NTM: variants seen among roughly 807,000 people sequenced by gnomAD.
NTM encodes the protein neurotrimin, also known as IgLON family member 2.
In NTM, 13 loss-of-function variants were observed where a neutral mutation model predicts 42.1. The ratio of observed to expected loss-of-function variants is 0.31; its 90% CI spans 0.20 to 0.49. The LOEUF is 0.49. Ranked by LOEUF, NTM falls within the 20% of genes least tolerant of loss-of-function variation. NTM has a pLI of 0.99. For synonymous variants in NTM, 187 were observed against 179.2 expected (o/e 1.04, Z -0.35); for missense variants, 373 against 452.8 (o/e 0.82, Z 1.60).
At chr11:131,706,882 C>T (rs980130148) in intron 1 of NTM, among the ~76,000 whole-genome samples, 4 of 151,956 alleles carry the variant, frequency 2.6e-5, no homozygotes, top group Admixed American at 6.5e-5. Flanking sequence ...TAATTATATA[C>T]ATTTATGAGG....
At chr11:131,485,412 G>A (rs1954062965) in intron 1 of NTM, among the ~76,000 whole-genome samples, 1 of 152,132 alleles carries the variant, frequency 6.6e-6, no homozygotes, top group South Asian at 2.1e-4. Flanking sequence ...TTATTTTGCA[G>A]GTGTGTGTGA....
intron 2 of NTM, among the ~76,000 whole-genome samples, chr11:132,101,556 T>TGTGTGTGTG (rs1555261897): frequency 0.022 from 2,935 of 131,122 alleles, 54 homozygotes; most frequent in Middle Eastern, 0.061. Context: ...GAACACAACC[T>TGTGTGTGTG]TGTGTGTGTG....
At chr11:131,808,133 T>C (rs2092590111) in intron 1 of NTM, among the ~76,000 whole-genome samples, 1 of 152,194 alleles carries the variant, frequency 6.6e-6, no homozygotes, top group Non-Finnish European at 1.5e-5. Flanking sequence ...TAGGACTCAC[T>C]TTACTTATCT....
chr11:131,735,275 T>C (rs1013413989), intron 1 of NTM, among the ~76,000 whole-genome samples: 4 of 152,218 alleles, frequency 2.6e-5, no homozygotes, highest in African/African-American at 9.6e-5. Context: ...CTTTGTGGTA[T>C]TTAAATGGGG....
In NTM at chr11:131,717,855, A is replaced by C. The variant is rs911171691; in HGVS notation, c.83-193709A>C. 5.9e-5 allele frequency among the ~76,000 whole-genome samples: 9 copies of C among 152,198 alleles called. 1 individual carries two copies. The highest frequency in any genetic ancestry group is 5.9e-4 in the Admixed American group (9 of 15,274). On this transcript the variant is annotated intron_variant, in intron 1 of 8. Transcript: ENST00000683400. Reference sequence around the variant, plus strand: ...ATATGCTGATAGCTGTAGGTTTTCTATACATGCTCTTTATCAGTTTGAGAA... The same window carrying C: ...ATATGCTGATAGCTGTAGGTTTTCTCTACATGCTCTTTATCAGTTTGAGAA...
intron 1 of NTM, among the ~76,000 whole-genome samples, chr11:131,485,331 C>G (rs1186167345): frequency 6.6e-6 from 1 of 152,168 alleles, no homozygotes; most frequent in Admixed American, 6.5e-5. Context: ...GGGATCAGTT[C>G]CAAGTGAAGG....
intron 2 of NTM, among the ~76,000 whole-genome samples, chr11:132,088,753 C>T (rs1454652250): frequency 1.3e-5 from 2 of 152,160 alleles, no homozygotes; most frequent in Non-Finnish European, 2.9e-5. Flanking sequence ...TAGGCAAGCC[C>T]CCTATGCACA....
chr11:132,304,384 T>C (rs553745738), intron 4 of NTM, among the ~76,000 whole-genome samples: 1 of 151,354 alleles, frequency 6.6e-6, no homozygotes, highest in Non-Finnish European at 1.5e-5. Context: ...ACCAAGAATA[T>C]CCTTCAGCAC....
chr11:131,851,190 A>C (rs2045490617), intron 1 of NTM, among the ~76,000 whole-genome samples: 1 of 152,158 alleles, frequency 6.6e-6, no homozygotes, highest in Admixed American at 6.5e-5. Context: ...TTATTAACTA[A>C]AAGTATGAAG....
chr11:131,783,489 A>G (rs574365623), intron 1 of NTM, among the ~76,000 whole-genome samples: 1 of 152,260 alleles, frequency 6.6e-6, no homozygotes, highest in South Asian at 2.1e-4. Context: ...ATAGCCATAC[A>G]CATATGTTCC....
At chr11:132,022,988 T>C (rs1032107044) in intron 2 of NTM, among the ~76,000 whole-genome samples, 1 of 152,138 alleles carries the variant, frequency 6.6e-6, no homozygotes, top group African/African-American at 2.4e-5. Context: ...GCTAATCAGA[T>C]TGGAATCAAG....
intron 1 of NTM, among the ~76,000 whole-genome samples, chr11:131,852,633 C>A (rs1042759043): frequency 3.3e-5 from 5 of 152,134 alleles, no homozygotes; most frequent in Non-Finnish European, 7.4e-5. Context: ...GGCATGTTTT[C>A]TGCCTCTTAC....
chr11:131,718,211 T>G (rs757022136), intron 1 of NTM, among the ~76,000 whole-genome samples: 2 of 152,218 alleles, frequency 1.3e-5, no homozygotes, highest in Non-Finnish European at 2.9e-5. Flanking sequence ...TTTAAGGTAA[T>G]GCTGACCTTA....
intron 4 of NTM, among the ~76,000 whole-genome samples, chr11:132,233,162 A>G (rs1450619882): frequency 6.6e-6 from 1 of 152,228 alleles, no homozygotes; most frequent in Non-Finnish European, 1.5e-5. Context: ...CACGCCTGTA[A>G]TCCCAGCACT....
At chr11:131,442,607 A>T (rs1393141689) in intron 1 of NTM, among the ~76,000 whole-genome samples, 1 of 152,004 alleles carries the variant, frequency 6.6e-6, no homozygotes, top group Non-Finnish European at 1.5e-5. Flanking sequence ...AGTCTCTATT[A>T]GTTCTGTCTT....
chr11:131,786,996 T>G (rs1386983237), intron 1 of NTM, among the ~76,000 whole-genome samples: 1 of 138,528 alleles, frequency 7.2e-6, no homozygotes, highest in Non-Finnish European at 1.5e-5. Flanking sequence ...CATATGCTAT[T>G]TTGTGAGCAT....
chr11:131,656,956 C>T (rs552014444), intron 1 of NTM, among the ~76,000 whole-genome samples: 2 of 152,000 alleles, frequency 1.3e-5, no homozygotes, highest in Non-Finnish European at 2.9e-5. Context: ...GGTGGTCTGG[C>T]GCTGTTGCTC....
chr11:131,741,221 C>T (rs982160312), intron 1 of NTM, among the ~76,000 whole-genome samples: 1 of 148,128 alleles, frequency 6.8e-6, no homozygotes, highest in African/African-American at 2.5e-5. Context: ...TTTTTTGGAG[C>T]CTGGGAGCAC....
At chr11:131,935,281 T>A (rs147199973) in intron 2 of NTM, among the ~76,000 whole-genome samples, 2,003 of 152,324 alleles carry the variant, frequency 0.013, 47 homozygotes, top group African/African-American at 0.045. Flanking sequence ...GAGATTTCTT[T>A]GCCACATTAC....
Sources: allele counts gnomAD v4.1 joint callset (sites outside exome capture counted in the v4.1 genomes callset), GRCh38; gene constraint gnomAD v4.1.1; transcripts MANE v1.5; gene names NCBI Gene and HGNC (gene_info 2026-07-23, HGNC 2026-07-21).